DSE: variants seen among roughly 807,000 people sequenced by gnomAD.
DSE encodes dermatan sulfate epimerase.
In DSE, 36 loss-of-function variants were observed where a neutral mutation model predicts 84.4. The ratio of observed to expected loss-of-function variants is 0.43; its 90% confidence interval spans 0.33 to 0.56. The LOEUF is 0.56. DSE is among the 20% of genes least tolerant of loss of function. The pLI, the probability that DSE is intolerant of heterozygous loss-of-function variation, is 0.06. For missense variants in DSE, 862 were observed against 1,169.6 expected (o/e 0.74, Z 3.84); for synonymous variants, 410 against 430.1 (o/e 0.95, Z 0.58).
chr6:116,376,761 T>G (rs1160573722), intron 1 of DSE, among the ~76,000 whole-genome samples: 2 of 152,216 alleles, frequency 1.3e-5, no homozygotes, highest in Non-Finnish European at 2.9e-5. Flanking sequence ...TGCTTTGGCA[T>G]TTTATATTTG....
At chr6:116,264,194 T>C (rs997429537) in intron 2 of DSE, among the ~76,000 whole-genome samples, 2 of 152,218 alleles carry the variant, frequency 1.3e-5, no homozygotes, top group Non-Finnish European at 2.9e-5. Flanking sequence ...GTTTTCCCAG[T>C]TGGTTCCATT....
At chr6:116,312,874 A>G (rs1378699971) in intron 2 of DSE, among the ~76,000 whole-genome samples, 1 of 152,138 alleles carries the variant, frequency 6.6e-6, no homozygotes, top group African/African-American at 2.4e-5. Context: ...ATATAAGTAA[A>G]TGTAATTTGG....
rs9488882 is a variant in DSE at position 116,264,920 on chromosome 6, C to T, written c.-54+5953C>T. ...ATTAGGCCCTGACTTTGTTTTCTGG[C>T]TCCTCAAGGTTAGGAATTCACTGTG... On this transcript the variant is annotated intron_variant, in intron 2 of 3. Transcript: ENST00000430252. 5.5e-3 allele frequency among the ~76,000 whole-genome samples: 844 copies of T among 152,244 alleles called. 8 individuals carry two copies. The highest frequency in any genetic ancestry group is 0.02 in the African/African-American group (817 of 41,554).
intron 5 of DSE, among the ~76,000 whole-genome samples, chr6:116,435,118 A>G: frequency 6.6e-6 from 1 of 152,160 alleles, no homozygotes; most frequent in South Asian, 2.1e-4. Context: ...AAAAATCTTG[A>G]GGGAGAACTC....
Position 116,270,097 on chromosome 6 carries a change from A to G in DSE, c.-54+11130A>G, listed in dbSNP as rs533522048. The stretch of plus-strand genomic sequence containing the variant: ...CTGGGAAAAGAAAACAATTCTGGAA[A>G]AACAAGGTACTGAAATATGATTACA... On this transcript the variant is annotated intron_variant, in intron 2 of 3. Coordinates refer to the DSE transcript ENST00000430252. Among the ~76,000 whole-genome samples the G allele has an allele frequency of 2.4e-4, 36 of 152,324 alleles. No individual in the cohort carries two copies. In the South Asian group the frequency reaches 7.0e-3, roughly 30 times the overall value.
chr6:116,443,361 A>G lies in DSE; in HGVS notation c.*6016A>G, dbSNP rs552804846. The G allele has an allele frequency of 9.2e-5, 14 of 152,324 alleles. No individual in the cohort carries two copies. The highest frequency in any genetic ancestry group is 2.9e-4 in the African/African-American group (12 of 41,576). The allele number at this position is 152,324 out of a possible 1,614,324, so 9.4% of individuals were successfully genotyped here. ...CTGCCGTCACCCTGGCTATCCCTTA[A>G]TAAGCCCAGGAAATTGTTCAAATAT... is the stretch of plus-strand genomic sequence containing the variant. On this transcript the variant is annotated 3_prime_UTR_variant, in exon 6 of 6. Coordinates refer to ENST00000644252, the MANE Select transcript of DSE (RefSeq NM_013352.4).
At chr6:116,417,984 G>T (rs764647370) in intron 2 of DSE, among the ~76,000 whole-genome samples, 1 of 152,104 alleles carries the variant, frequency 6.6e-6, no homozygotes, top group Admixed American at 6.5e-5. Flanking sequence ...AGGTGAATAG[G>T]CATTTTAAAG....
chr6:116,417,459 A>T (rs961803552), intron 2 of DSE, among the ~76,000 whole-genome samples: 1 of 152,166 alleles, frequency 6.6e-6, no homozygotes, highest in South Asian at 2.1e-4. Flanking sequence ...TTTGAGTAAA[A>T]TGTGTTTCTT....
At chr6:116,257,689 C>T (rs186401420) in intron 1 of DSE, among the ~76,000 whole-genome samples, 1 of 151,556 alleles carries the variant, frequency 6.6e-6, no homozygotes, top group Non-Finnish European at 1.5e-5. Flanking sequence ...TTTTGTTTTG[C>T]TGTGTCCTCA....
At chr6:116,381,659 T>C (rs1780231181) in intron 1 of DSE, among the ~76,000 whole-genome samples, 1 of 152,132 alleles carries the variant, frequency 6.6e-6, no homozygotes, top group Non-Finnish European at 1.5e-5. Context: ...TAAGTCAATC[T>C]ACGTGAAATA....
intron 2 of DSE, among the ~76,000 whole-genome samples, chr6:116,307,936 A>T (rs1775445460): frequency 6.6e-6 from 1 of 152,252 alleles, no homozygotes; most frequent in Non-Finnish European, 1.5e-5. Context: ...TAATTCTTTC[A>T]ATAGTCATCT....
intron 1 of DSE, among the ~76,000 whole-genome samples, chr6:116,398,770 A>T (rs1407630015): frequency 2.0e-5 from 3 of 152,238 alleles, no homozygotes; most frequent in Non-Finnish European, 2.9e-5. Flanking sequence ...TGTAGTAAGA[A>T]ATACAGGATT....
intron 1 of DSE, among the ~76,000 whole-genome samples, chr6:116,389,072 T>C (rs570535325): frequency 6.6e-6 from 1 of 152,270 alleles, no homozygotes; most frequent in South Asian, 2.1e-4. Flanking sequence ...CCTCCTGGGG[T>C]CATGGTGCAC....
At chr6:116,256,207 T>C (rs899032161) in intron 1 of DSE, 1 of 152,226 alleles carries the variant, frequency 6.6e-6, no homozygotes, top group East Asian at 1.9e-4. Context: ...GTATAGCCCT[T>C]ATGACTTTTA....
At chr6:116,265,332 G>A (rs891800694) in intron 2 of DSE, among the ~76,000 whole-genome samples, 9 of 152,100 alleles carry the variant, frequency 5.9e-5, no homozygotes, top group African/African-American at 9.7e-5. Context: ...GCTGTTCTCT[G>A]TGTAGTGTTA....
chr6:116,371,156 C>T lies in DSE; in HGVS notation c.-54+35C>T, dbSNP rs1035650641. On this transcript the variant is annotated intron_variant, in intron 1 of 5. Coordinates refer to ENST00000644252, the MANE Select transcript of DSE (RefSeq NM_013352.4). ...GGGGCGCGCAAGGGACGAGCTGGGG[C>T]GCGCGGCGCAACTTTCTTCGGGAGT... 11 of 985,732 alleles carry T rather than the reference C, an allele frequency of 1.1e-5. No homozygotes were observed. The African/African-American group carries it at 1.7e-4, about 16-fold the overall frequency. The allele number at this position is 985,732 out of a possible 1,614,324, so 61.1% of individuals were successfully genotyped here.
intron 2 of DSE, among the ~76,000 whole-genome samples, chr6:116,266,256 G>A (rs1772624016): frequency 6.6e-6 from 1 of 152,206 alleles, no homozygotes; most frequent in Admixed American, 6.5e-5. Context: ...GAACTTGGCT[G>A]TTAGTCTTGC....
chr6:116,357,602 C>CA (rs1778653823), intron 2 of DSE, among the ~76,000 whole-genome samples: 1 of 151,802 alleles, frequency 6.6e-6, no homozygotes, highest in Admixed American at 6.6e-5. Flanking sequence ...TATTTTAAGC[C>CA]AAAAAATTGT....
intron 1 of DSE, among the ~76,000 whole-genome samples, chr6:116,398,704 C>T (rs888037864): frequency 6.6e-6 from 1 of 152,106 alleles, no homozygotes; most frequent in African/African-American, 2.4e-5. Flanking sequence ...ATGTATTGAT[C>T]CTAATCCCTG....
Sources: allele counts gnomAD v4.1 joint callset (sites outside exome capture counted in the v4.1 genomes callset), GRCh38; gene constraint gnomAD v4.1.1; transcripts MANE v1.5; gene names NCBI Gene and HGNC (gene_info 2026-07-23, HGNC 2026-07-21).